The following POLG variants were observed in gnomAD, a reference collection of about 807,000 sequenced individuals.
The protein encoded by POLG is DNA polymerase subunit gamma-1.
POLG carries 110 observed loss-of-function variants against 155.4 expected under a neutral mutation model. That is an observed-to-expected ratio of 0.71 (90% CI 0.61 to 0.83). The LOEUF (loss-of-function observed/expected upper bound fraction) is 0.83, where lower values mean the gene tolerates loss of function less well. POLG is among the 40% of genes least tolerant of loss of function. The pLI is 0.00. For synonymous variants in POLG, 701 were observed against 631.5 expected (o/e 1.11, Z -1.65); for missense variants, 1,685 against 1,627.5 (o/e 1.04, Z -0.61).
Position 89,323,566 on chromosome 15 carries a change from G to C in POLG, c.2158-55C>G, listed in dbSNP as rs1021285951. On this transcript the variant is annotated intron_variant, in intron 12 of 22. Coordinates refer to ENST00000268124, the MANE Select transcript of POLG (RefSeq NM_002693.3). ...CTGCTCCAGCACCTGCATTCAGCAA[G>C]GGCCATGGGGTAGGGGGTGGGAAAA... 4.3e-6 allele frequency: 5 copies of C among 1,162,108 alleles called. No homozygotes were observed. In the African/African-American group the frequency reaches 7.6e-5, roughly 18 times the overall value. 72.0% of individuals were successfully genotyped at this position (1,162,108 alleles called of 1,614,324 possible).
rs1268839324 is a variant in POLG, at chr15:89,319,235, C to T, written c.3097G>A (p.Ala1033Thr). The change falls in exon 19 of 23, where the codon GCA becomes ACA. Residue 1033 changes from alanine (A) to threonine (T), a missense_variant. Physicochemically the swap from Ala to Thr is moderately conservative, Grantham distance 58. Transcript: ENST00000268124. ...CACAAAGAAGGTTCTTACTTCCTTG[C>T]AGTTTCTCTCTGGACCTTGCGCAGA... ...QDLRKVQRET[A>T]RKSQWKKWEV... is the part of the protein sequence containing the mutation. 2 of 1,614,192 alleles carry T rather than the reference C, an allele frequency of 1.2e-6. No homozygotes were observed. Among genetic ancestry groups the T allele is most frequent in the Non-Finnish European group, 1.7e-6 (2 of 1,180,040 alleles).
In POLG at chr15:89,333,839, G is replaced by GTCTCTCTCCAC; in HGVS notation, c.-86_-85insGTGGAGAGAGA. On this transcript the variant is annotated 5_prime_UTR_variant, in exon 2 of 23. The change abolishes the stop of an existing upstream ORF in the 5' untranslated region. Transcript: ENST00000268124. The stretch of plus-strand genomic sequence containing the variant: ...GCTTCTTTTACTGGCTGGAAGACGT[G>GTCTCTCTCCAC]GAGAGAGACACGTCCTGTCTCTGCT... 1.4e-6 allele frequency: 2 copies of GTCTCTCTCCAC among 1,471,848 alleles called. No individual in the cohort carries two copies. Among genetic ancestry groups the GTCTCTCTCCAC allele is most frequent in the Non-Finnish European group, 1.8e-6 (2 of 1,089,804 alleles). 91.2% of individuals were successfully genotyped at this position (1,471,848 alleles called of 1,614,324 possible).
chr15:89,321,600 TTGAC>T (rs2152061553), intron 16 of POLG, 132 bp downstream of exon 16: 1 of 794,820 alleles, frequency 1.3e-6, no homozygotes, highest in South Asian at 1.4e-5. Context: ...GAAGCCAGAT[TTGAC>T]TAGAGTCCTG....
In POLG at chr15:89,333,614, C is replaced by T. The variant is rs751340430; in HGVS notation, c.141G>A (p.Gln47=). 1.2e-5 allele frequency: 19 copies of T among 1,600,452 alleles called. No homozygotes were observed. Among genetic ancestry groups the T allele is most frequent in the Non-Finnish European group, 8.5e-6 (10 of 1,175,706 alleles). The stretch of plus-strand genomic sequence containing the variant: ...GCTGCTGTTGCTGCTGCTGCTGCTG[C>T]TGCTGCTGCTGCTGCCGCCGCCGCT... The part of the protein sequence containing the change: ...DGQRRRQQQQ[Q]QQQQQQQQPQ... Residue 47 remains glutamine, a synonymous_variant, in exon 2 of 23, where the codon CAG becomes CAA. Transcript: ENST00000268124.
chr15:89,323,129 T>C lies in POLG; in HGVS notation c.2266-227A>G, dbSNP rs16943057. ...CAAGCAAACCTGGCTCCCTGCATAA[T>C]AACAAATCGGAAAAACCTATCACGT... On this transcript the variant is annotated intron_variant, in intron 13 of 22. Coordinates refer to ENST00000268124, the MANE Select transcript of POLG (RefSeq NM_002693.3). Among the ~76,000 whole-genome samples the C allele has an allele frequency of 0.04, 6,093 of 152,236 alleles. 385 individuals are homozygous for C. The highest frequency in any genetic ancestry group is 0.14 in the African/African-American group (5,664 of 41,528).
chr15:89,316,857 C>A (rs1410697041), intron 22 of POLG, 30 bp from the exon 23 acceptor site: 2 of 1,513,418 alleles, frequency 1.3e-6, no homozygotes, highest in Non-Finnish European at 1.8e-6. Context: ...GGTTAGGATG[C>A]CACCTCAAGA....
chr15:89,322,427 C>T (rs1393680536), intron 14 of POLG, among the ~76,000 whole-genome samples: 1 of 152,222 alleles, frequency 6.6e-6, no homozygotes, highest in Non-Finnish European at 1.5e-5. Context: ...CAGCTCCCAG[C>T]CCCCAACAGG....
Position 89,322,813 on chromosome 15 carries a change from A to C in POLG, c.2355T>G (p.Gly785=), listed in dbSNP as rs1420885616. The C allele has an allele frequency of 6.2e-7, 1 of 1,613,994 alleles. No homozygotes were observed. Among genetic ancestry groups the C allele is most frequent in the Admixed American group, 1.7e-5 (1 of 60,028 alleles). ...EDGTLQAGPG[G]ASGPRALEIN... is the part of the protein sequence containing the mutation. Reference sequence around the variant, plus strand: ...TTTCCAGAGCACGGGGCCCACTGGCACCTCCTGGGCCAGCCTGCAGGGTGC... The same window carrying C: ...TTTCCAGAGCACGGGGCCCACTGGCCCCTCCTGGGCCAGCCTGCAGGGTGC... Residue 785 remains glycine, a synonymous_variant, in exon 14 of 23, where the codon GGT becomes GGG. Coordinates refer to ENST00000268124, the MANE Select transcript of POLG (RefSeq NM_002693.3).
Position 89,319,102 on chromosome 15 carries a change from A to G in POLG, c.3105-3T>C. 1.2e-6 allele frequency: 2 copies of G among 1,614,062 alleles called. No homozygotes were observed. Among genetic ancestry groups the G allele is most frequent in the Non-Finnish European group, 1.7e-6 (2 of 1,179,984 alleles). ...CCTCCCACTTCTTCCACTGTGACCTAAGGGACCAGAAACAGAGGGCAGACT... is the reference window on the plus strand; with the variant it reads ...CCTCCCACTTCTTCCACTGTGACCTGAGGGACCAGAAACAGAGGGCAGACT... On this transcript the variant is annotated splice_polypyrimidine_tract_variant and splice_region_variant and intron_variant, in intron 19 of 22. Transcript: ENST00000268124.
chr15:89,323,673 G>A (rs563524059), intron 12 of POLG, 142 bp downstream of exon 12: 54 of 834,832 alleles, frequency 6.5e-5, no homozygotes, highest in Non-Finnish European at 8.9e-5. Context: ...GCTCCAACAC[G>A]TGTGGGGCCT....
rs2055275056 is a variant in POLG at position 89,316,649 on chromosome 15, G to T, written c.*102C>A. 5.8e-6 allele frequency: 7 copies of T among 1,202,576 alleles called. No individual in the cohort carries two copies. The South Asian group carries it at 8.6e-5, about 15-fold the overall frequency. The allele number at this position is 1,202,576 out of a possible 1,614,324, so 74.5% of individuals were successfully genotyped here. On this transcript the variant is annotated 3_prime_UTR_variant, in exon 23 of 23. Transcript: ENST00000268124. The stretch of plus-strand genomic sequence containing the variant: ...TGCTACTGAAAAATGGCTGGCCTTA[G>T]GCAAGCCCTTTTGCAAAAAGCACAG...
At position 89,323,821 on chromosome 15, in the gene POLG, T is replaced by C. The variant is rs1183139570; in HGVS notation, c.2151A>G (p.Leu717=). Residue 717 remains leucine (L), a synonymous_variant, in exon 12 of 23, where the codon CTA becomes CTG. Transcript: ENST00000268124. ...AAGCCGGCGCACTGCTCACCAGAGC[T>C]AGGGGTTGACCTGGCACTGCAGCTC... ...NLRAAVPGQP[L]ALTARGGPKD... is the part of the protein sequence containing the mutation. 1.2e-6 allele frequency: 2 copies of C among 1,613,156 alleles called. No individual in the cohort carries two copies. Among genetic ancestry groups the C allele is most frequent in the Admixed American group, 1.7e-5 (1 of 60,000 alleles).
chr15:89,317,339 T>G, intron 22 of POLG, 37 bp downstream of exon 22: 4 of 1,605,092 alleles, frequency 2.5e-6, no homozygotes, highest in Non-Finnish European at 3.4e-6. Context: ...CCACCTCAGA[T>G]CCTATGTGTA....
Position 89,318,700 on chromosome 15 carries a change from T to G in POLG, c.3323A>C (p.Tyr1108Ser). 1 of 1,614,140 alleles carries G rather than the reference T, an allele frequency of 6.2e-7. No homozygotes were observed. Among genetic ancestry groups the G allele is most frequent in the Non-Finnish European group, 8.5e-7 (1 of 1,180,010 alleles). Reference sequence around the variant, plus strand: ...CATGGCCACAAGCATGAGGTGTAAGTAGTCAACAGCAGAGCTCTGTACCAC... The same window carrying G: ...CATGGCCACAAGCATGAGGTGTAAGGAGTCAACAGCAGAGCTCTGTACCAC... ...NWVVQSSAVDYLHLMLVAMKW... is the reference protein window; with the variant it reads ...NWVVQSSAVDSLHLMLVAMKW... The change falls in exon 21 of 23, where the codon TAC becomes TCC. Residue 1108 changes from tyrosine to serine, a missense_variant. Physicochemically the swap from Tyr to Ser is moderately radical, Grantham distance 144. Around this residue, in one of 3 missense-constraint regions of POLG, gnomAD observed 470 missense variants for 439.9 expected, o/e 1.07. Transcript: ENST00000268124.
chr15:89,324,004 G>A, intron 11 of POLG, 103 bp from the exon 12 acceptor site: 1 of 1,570,722 alleles, frequency 6.4e-7, no homozygotes, highest in Non-Finnish European at 8.8e-7. Context: ...GCCAGTCTGG[G>A]GTGAGCCACC....
chr15:89,316,818 A>G lies in POLG; in HGVS notation c.3653T>C (p.Leu1218Pro). The change falls in exon 23 of 23, where the codon CTG becomes CCG. Residue 1218 changes from leucine to proline, a missense_variant. By Grantham distance (98) the Leu-to-Pro change is moderately conservative (BLOSUM62 -3). Transcript: ENST00000268124. Reference protein sequence around the residue: ...RRYGIPQGEALDIYQIIELTK... With the variant: ...RRYGIPQGEAPDIYQIIELTK... ...GAGTTCAATTATCTGGTAAATATCC[A>G]GCGCTTCACCTGAAAGATAGTGCAA... The G allele has an allele frequency of 6.2e-7, 1 of 1,613,546 alleles. No individual in the cohort carries two copies. Among genetic ancestry groups the G allele is most frequent in the East Asian group, 2.2e-5 (1 of 44,880 alleles).
intron 9 of POLG, 40 bp from the exon 10 acceptor site, chr15:89,325,726 G>A (rs1207355702): frequency 6.8e-7 from 1 of 1,462,922 alleles, no homozygotes; most frequent in East Asian, 2.3e-5. Context: ...ACGATGGTAA[G>A]GGCAGTTGTT....
Position 89,320,782 on chromosome 15 carries a change from T to A in POLG, c.2965A>T (p.Thr989Ser), listed in dbSNP as rs1332110647. The A allele has an allele frequency of 1.2e-6, 2 of 1,613,346 alleles. No homozygotes were observed. Among genetic ancestry groups the A allele is most frequent in the Non-Finnish European group, 1.7e-6 (2 of 1,180,024 alleles). ...GACCCTCACCAGCGGAGGCCCTTGGTGGCAGCGTACATCTGCTGGGCCTTC... is the reference window on the plus strand; with the variant it reads ...GACCCTCACCAGCGGAGGCCCTTGGAGGCAGCGTACATCTGCTGGGCCTTC... ...AEKAQQMYAA[T>S]KGLRWYRLSD... Residue 989 changes from threonine to serine, a missense_variant, in exon 18 of 23, where the codon ACC becomes TCC. By Grantham distance (58) the Thr-to-Ser change is moderately conservative. This residue lies in a region of POLG where 470 missense variants were observed against 439.9 expected (regional missense o/e 1.07). Transcript: ENST00000268124.
At chr15:89,323,100 G>T (rs895055867) in intron 13 of POLG, among the ~76,000 whole-genome samples, 198 bp from the exon 14 acceptor site, 4 of 152,212 alleles carry the variant, frequency 2.6e-5, no homozygotes, top group African/African-American at 9.7e-5. Flanking sequence ...AAGACACACA[G>T]ACACAAGCAA....
Sources: gnomAD v4.1 joint callset for allele counts (sites outside exome capture counted in the v4.1 genomes callset) on GRCh38, gnomAD v4.1.1 for gene constraint, gnomAD v4.1.1 regional missense constraint, MANE v1.5 for transcripts, NCBI Gene and HGNC (gene_info 2026-07-23, HGNC 2026-07-21) for gene names.